Variants in GPC5 observed in about 807,000 individuals in gnomAD.
GPC5 encodes the protein glypican 5, also known as glypican-5.
In GPC5, 47 loss-of-function variants were observed where a neutral mutation model predicts 53.9. The observed-to-expected ratio is 0.87, with a 90% CI of 0.69 to 1.11. The LOEUF is 1.11. Among genes scored for constraint, GPC5 ranks in the 50% most tolerant of loss-of-function variants. The probability of loss-of-function intolerance (pLI) is 0.00; values close to 1 mark genes in which losing one functional copy is unlikely to be tolerated. For missense variants in GPC5, 748 were observed against 713.1 expected, an observed-to-expected ratio of 1.05 and a Z score of -0.56; for synonymous variants, 286 against 263.3, an observed-to-expected ratio of 1.09 and a Z score of -0.84.
intron 6 of GPC5, among the ~76,000 whole-genome samples, chr13:91,962,251 G>A (rs1042075456): frequency 6.6e-6 from 1 of 152,086 alleles, no homozygotes; most frequent in Non-Finnish European, 1.5e-5. Flanking sequence ...ATGCCAAAAT[G>A]ATAAGACTTC....
chr13:92,656,844 C>G (rs919975852), intron 7 of GPC5, among the ~76,000 whole-genome samples: 4 of 152,204 alleles, frequency 2.6e-5, no homozygotes, highest in Non-Finnish European at 5.9e-5. Context: ...ATCCCAGCTA[C>G]TCTTACGAGT....
At chr13:92,588,398 C>T (rs963920369) in intron 7 of GPC5, among the ~76,000 whole-genome samples, 1 of 152,202 alleles carries the variant, frequency 6.6e-6, no homozygotes, top group African/African-American at 2.4e-5. Context: ...AGCCTTAACA[C>T]TGCGTGTGTT....
intron 7 of GPC5, among the ~76,000 whole-genome samples, chr13:92,666,366 G>A (rs569545031): frequency 6.6e-5 from 10 of 152,170 alleles, no homozygotes; most frequent in African/African-American, 1.9e-4. Flanking sequence ...TAAGAAACTG[G>A]AGTAAATAAA....
chr13:92,352,814 AT>A (rs1387755364), intron 7 of GPC5, among the ~76,000 whole-genome samples: 1 of 152,200 alleles, frequency 6.6e-6, no homozygotes, highest in Admixed American at 6.5e-5. Flanking sequence ...AAATTAAAAT[AT>A]TTATGCACTT....
chr13:91,637,093 T>C (rs2034303701), intron 2 of GPC5, among the ~76,000 whole-genome samples: 1 of 152,226 alleles, frequency 6.6e-6, no homozygotes, highest in African/African-American at 2.4e-5. Context: ...TACTATAAGT[T>C]AGAAAATTCC....
chr13:92,756,107 C>A (rs1192579297), intron 7 of GPC5, among the ~76,000 whole-genome samples: 1 of 151,686 alleles, frequency 6.6e-6, no homozygotes, highest in African/African-American at 2.4e-5. Context: ...ACGAATCCAG[C>A]AGCACATCAA....
intron 7 of GPC5, among the ~76,000 whole-genome samples, chr13:92,836,995 G>C (rs1231762872): frequency 6.6e-6 from 1 of 151,998 alleles, no homozygotes; most frequent in Non-Finnish European, 1.5e-5. Flanking sequence ...AAGGATTCAT[G>C]AAGTTCTAAG....
chr13:91,731,168 A>G (rs940365951), intron 4 of GPC5, among the ~76,000 whole-genome samples: 5 of 152,206 alleles, frequency 3.3e-5, no homozygotes, highest in Admixed American at 6.5e-5. Context: ...GAATTTGCCA[A>G]ATCATTAGCT....
intron 7 of GPC5, among the ~76,000 whole-genome samples, chr13:92,856,434 A>C (rs1879001536): frequency 6.6e-6 from 1 of 152,244 alleles, no homozygotes; most frequent in South Asian, 2.1e-4. Flanking sequence ...AAGTGAAACA[A>C]GACAAAACGT....
At chr13:91,830,782 T>C (rs1184007768) in intron 5 of GPC5, among the ~76,000 whole-genome samples, 1 of 118,712 alleles carries the variant, frequency 8.4e-6, no homozygotes, top group Non-Finnish European at 1.8e-5. Context: ...ATATAAAATA[T>C]ATATATACTA....
intron 7 of GPC5, among the ~76,000 whole-genome samples, chr13:92,552,405 T>C (rs1594299011): frequency 6.6e-6 from 1 of 151,894 alleles, no homozygotes; most frequent in Admixed American, 6.6e-5. Flanking sequence ...TCTCACTTAG[T>C]AAAATTTAAG....
At chr13:91,589,197 A>G (rs1268157947) in intron 2 of GPC5, among the ~76,000 whole-genome samples, 2 of 151,574 alleles carry the variant, frequency 1.3e-5, no homozygotes, top group Admixed American at 1.3e-4. Context: ...CTGTTTTTTT[A>G]TGATAACACT....
chr13:91,482,502 C>A (rs1399813763), intron 2 of GPC5, among the ~76,000 whole-genome samples: 2 of 152,166 alleles, frequency 1.3e-5, no homozygotes, highest in African/African-American at 4.8e-5. Context: ...TAGTGTAATC[C>A]AAAATCTAGC....
chr13:91,643,684 C>T (rs1489072849), intron 2 of GPC5, among the ~76,000 whole-genome samples: 2 of 152,154 alleles, frequency 1.3e-5, no homozygotes, highest in Non-Finnish European at 2.9e-5. Context: ...TATCTAGCTT[C>T]TTGCAGCTTG....
intron 7 of GPC5, among the ~76,000 whole-genome samples, chr13:92,601,411 C>T (rs575614727): frequency 6.9e-4 from 104 of 151,540 alleles, no homozygotes; most frequent in African/African-American, 2.2e-3. Flanking sequence ...CAAAATCAGC[C>T]GGGCATGGTG....
At chr13:92,838,487 C>G (rs1301260122) in intron 7 of GPC5, among the ~76,000 whole-genome samples, 2 of 142,022 alleles carry the variant, frequency 1.4e-5, no homozygotes, top group African/African-American at 5.5e-5. Flanking sequence ...CGCGCCCCCC[C>G]CAAAAAAAAA....
chr13:92,549,884 T>TACACACACACACAC (rs34914341), intron 7 of GPC5, among the ~76,000 whole-genome samples: 9 of 140,888 alleles, frequency 6.4e-5, no homozygotes, highest in East Asian at 2.2e-4. Context: ...AACACACACA[T>TACACACACACACAC]ACACACACAC....
At chr13:92,836,269 C>T (rs1368328241) in intron 7 of GPC5, among the ~76,000 whole-genome samples, 1 of 151,898 alleles carries the variant, frequency 6.6e-6, no homozygotes, top group African/African-American at 2.4e-5. Flanking sequence ...AATTTTCTTG[C>T]AGGATTTTTA....
chr13:91,933,771 C>T (rs948646531), intron 6 of GPC5, among the ~76,000 whole-genome samples: 1 of 151,838 alleles, frequency 6.6e-6, no homozygotes, highest in Non-Finnish European at 1.5e-5. Flanking sequence ...AGAAGTCATT[C>T]CCATTGGAAT....
Sources: gnomAD v4.1 joint callset for allele counts (sites outside exome capture counted in the v4.1 genomes callset) on GRCh38, gnomAD v4.1.1 for gene constraint, MANE v1.5 for transcripts, NCBI Gene and HGNC (gene_info 2026-07-23, HGNC 2026-07-21) for gene names.